Variants in SAMD5 observed in about 807,000 individuals in gnomAD.
SAMD5 encodes the protein sterile alpha motif domain containing 5.
A neutral mutation model predicts 11.3 loss-of-function variants in SAMD5; 13 were observed. The observed-to-expected ratio is 1.15, with a 90% CI of 0.75 to 1.83. The LOEUF (loss-of-function observed/expected upper bound fraction) is 1.83. Ranked by LOEUF, SAMD5 falls within the 40% of genes most tolerant of loss-of-function variation. The pLI, the probability that SAMD5 is intolerant of heterozygous loss-of-function variation, is 0.00. For missense variants in SAMD5, 255 were observed against 239.1 expected, an observed-to-expected ratio of 1.07 and a Z score of -0.44; for synonymous variants, 129 against 111.3, an observed-to-expected ratio of 1.16 and a Z score of -1.00.
At chr6:147,847,853 AAAAAAAC>A in the SAMD5 span, among the ~76,000 whole-genome samples, 3 of 152,198 alleles carry the variant, frequency 2.0e-5, no homozygotes, top group Admixed American at 6.5e-5. Context: ...ACTCCATCTC[AAAAAAAC>A]AAAAAACAAA....
At chr6:147,519,015 C>G (rs1788213362) in intron 1 of SAMD5, among the ~76,000 whole-genome samples, 1 of 152,198 alleles carries the variant, frequency 6.6e-6, no homozygotes, top group Non-Finnish European at 1.5e-5. Context: ...ATTACTGCTT[C>G]TAATTGAAAT....
chr6:147,947,818 C>T, the SAMD5 span, among the ~76,000 whole-genome samples: 2 of 151,948 alleles, frequency 1.3e-5, no homozygotes, highest in African/African-American at 4.8e-5. Context: ...TTTTCTTTTA[C>T]TTCTTTCTGC....
chr6:147,514,381 G>T (rs565304656), intron 1 of SAMD5, among the ~76,000 whole-genome samples: 1 of 151,566 alleles, frequency 6.6e-6, no homozygotes, highest in African/African-American at 2.4e-5. Flanking sequence ...GGAGAACATT[G>T]TATTAATATA....
At chr6:147,672,128 T>C (rs77801189) in intron 1 of SAMD5, among the ~76,000 whole-genome samples, 3,214 of 152,172 alleles carry the variant, frequency 0.021, 69 homozygotes, top group South Asian at 0.074. Flanking sequence ...TAAAATATTA[T>C]AGCATGTGTA....
chr6:147,694,669 T>G (rs780266465), intron 1 of SAMD5, among the ~76,000 whole-genome samples: 3 of 152,028 alleles, frequency 2.0e-5, no homozygotes. Flanking sequence ...ACAAAAAAAT[T>G]AGCCAGGCAC....
chr6:147,660,857 A>C (rs2128454411), intron 1 of SAMD5: 1 of 152,354 alleles, frequency 6.6e-6, no homozygotes, highest in Non-Finnish European at 1.5e-5. Context: ...TAAATTAGCC[A>C]GTCTCAGATA....
the SAMD5 span, among the ~76,000 whole-genome samples, chr6:147,951,112 T>C: frequency 6.6e-6 from 1 of 151,996 alleles, no homozygotes; most frequent in African/African-American, 2.4e-5. Flanking sequence ...AGGATTCTAT[T>C]TGGTCATCAA....
chr6:147,770,722 T>A, the SAMD5 span, among the ~76,000 whole-genome samples: 1 of 152,254 alleles, frequency 6.6e-6, no homozygotes, highest in South Asian at 2.1e-4. Context: ...TTTATTTTTT[T>A]ATAATTATAG....
chr6:147,880,967 C>A, the SAMD5 span, among the ~76,000 whole-genome samples: 1 of 152,012 alleles, frequency 6.6e-6, no homozygotes, highest in Non-Finnish European at 1.5e-5. Flanking sequence ...GCCTGAATAC[C>A]CTAGACACTG....
chr6:147,935,631 G>A, the SAMD5 span, among the ~76,000 whole-genome samples: 127 of 151,926 alleles, frequency 8.4e-4, no homozygotes, highest in African/African-American at 2.9e-3. Context: ...AAGAATGCAC[G>A]TAAAACCATT....
In SAMD5 at chr6:147,567,105, A is replaced by G; in HGVS notation, c.*2649A>G. 1.0e-6 allele frequency: 1 copy of G among 982,540 alleles called. No homozygotes were observed. The highest frequency in any genetic ancestry group is 1.2e-6 in the Non-Finnish European group (1 of 827,364). The allele number at this position is 982,540 out of a possible 1,614,324, so 60.9% of individuals were successfully genotyped here. A position where few individuals can be genotyped will look rare whatever the true frequency, so the allele number is the denominator to read the frequency against. ...TGAGGAGTCTGGAGGGTCATAGCAAAATTTTCTTTAGTTCATCTTAAAATT... is the reference window on the plus strand; with the variant it reads ...TGAGGAGTCTGGAGGGTCATAGCAAGATTTTCTTTAGTTCATCTTAAAATT... On this transcript the variant is annotated 3_prime_UTR_variant, in exon 2 of 2. Coordinates refer to ENST00000367474, the MANE Select transcript of SAMD5 (RefSeq NM_001030060.3).
intron 1 of SAMD5, chr6:147,730,085 A>AG (rs1791690994): frequency 9.1e-6 from 4 of 438,814 alleles, no homozygotes; most frequent in Non-Finnish European, 1.8e-5. Flanking sequence ...AAAAAAAAAA[A>AG]AAAAAAAGAA....
intron 1 of SAMD5, among the ~76,000 whole-genome samples, chr6:147,725,609 G>A (rs893661907): frequency 1.3e-5 from 2 of 152,086 alleles, no homozygotes; most frequent in South Asian, 2.1e-4. Flanking sequence ...GGCTGGTCTC[G>A]AACTCCTGAC....
At chr6:147,787,409 AAAT>A in the SAMD5 span, among the ~76,000 whole-genome samples, 1 of 152,338 alleles carries the variant, frequency 6.6e-6, no homozygotes, top group East Asian at 1.9e-4. Context: ...TCTGAAATTG[AAAT>A]AATTTGAGCT....
the SAMD5 span, among the ~76,000 whole-genome samples, chr6:147,858,285 G>T: frequency 6.6e-6 from 1 of 152,140 alleles, no homozygotes; most frequent in South Asian, 2.1e-4. Context: ...AGAATTTGCA[G>T]TCCACTCCCA....
chr6:147,546,726 T>C (rs1480816527), intron 1 of SAMD5, among the ~76,000 whole-genome samples: 1 of 152,194 alleles, frequency 6.6e-6, no homozygotes, highest in Non-Finnish European at 1.5e-5. Flanking sequence ...TGCTGTAGTA[T>C]GTAAAATGCT....
At chr6:147,640,164 A>G (rs1454001590) in intron 1 of SAMD5, among the ~76,000 whole-genome samples, 1 of 151,946 alleles carries the variant, frequency 6.6e-6, no homozygotes, top group Admixed American at 6.6e-5. Flanking sequence ...TGTCTCTACT[A>G]AAAATACAAA....
intron 1 of SAMD5, among the ~76,000 whole-genome samples, chr6:147,626,844 A>G (rs533145147): frequency 1.3e-5 from 2 of 148,902 alleles, no homozygotes; most frequent in Admixed American, 1.3e-4. Flanking sequence ...GTGAAGCCAT[A>G]TGAAGTACTT....
chr6:147,698,205 C>T (rs919754313), intron 1 of SAMD5, among the ~76,000 whole-genome samples: 10 of 152,156 alleles, frequency 6.6e-5, no homozygotes, highest in East Asian at 1.9e-4. Flanking sequence ...GGCCACAGAC[C>T]GGTACCTGTC....
Sources: allele counts gnomAD v4.1 joint callset (sites outside exome capture counted in the v4.1 genomes callset), GRCh38; gene constraint gnomAD v4.1.1; transcripts MANE v1.5; gene names NCBI Gene and HGNC (gene_info 2026-07-23, HGNC 2026-07-21).